Variants in NRG1 observed in about 807,000 individuals in gnomAD.
NRG1 encodes pro-neuregulin-1, membrane-bound isoform.
A neutral mutation model predicts 63.8 loss-of-function variants in NRG1; 18 were observed. That is an observed-to-expected ratio of 0.28 (90% CI 0.19 to 0.42). The LOEUF (loss-of-function observed/expected upper bound fraction) is 0.42. Ranked by LOEUF, NRG1 falls within the 10% of genes least tolerant of loss-of-function variation. The pLI, the probability that NRG1 is intolerant of heterozygous loss-of-function variation, is 1.00. For missense variants in NRG1, 762 were observed against 814.7 expected (o/e 0.94, Z 0.79); for synonymous variants, 302 against 301.3 (o/e 1.00, Z -0.02).
At chr8:31,886,483 A>G (rs963960851) in intron 1 of NRG1, among the ~76,000 whole-genome samples, 2 of 152,152 alleles carry the variant, frequency 1.3e-5, no homozygotes, top group Admixed American at 1.3e-4. Flanking sequence ...AAAACAGTAT[A>G]AAGAAGAGCA....
chr8:32,026,663 T>G (rs552163202), intron 1 of NRG1, among the ~76,000 whole-genome samples: 2 of 152,204 alleles, frequency 1.3e-5, no homozygotes, highest in African/African-American at 2.4e-5. Context: ...CCTTAACACA[T>G]AATAGCTTAA....
intron 1 of NRG1, among the ~76,000 whole-genome samples, chr8:31,765,552 T>G (rs1454607187): frequency 6.6e-6 from 1 of 152,210 alleles, no homozygotes; most frequent in Non-Finnish European, 1.5e-5. Context: ...TATTGAATTT[T>G]GGCAAATACT....
intron 1 of NRG1, among the ~76,000 whole-genome samples, chr8:32,263,965 G>C (rs1270419019): frequency 6.6e-5 from 10 of 152,144 alleles, no homozygotes; most frequent in Non-Finnish European, 1.5e-4. Flanking sequence ...GGAGACCCTA[G>C]GGATCTTTTA....
downstream of NRG1, among the ~76,000 whole-genome samples, chr8:32,769,042 C>T (rs1292148776): frequency 6.6e-6 from 1 of 152,154 alleles, no homozygotes; most frequent in African/African-American, 2.4e-5. Context: ...TTTTCATGCA[C>T]ATACAAACAC....
At chr8:32,197,503 G>A (rs1843079576) in intron 1 of NRG1, among the ~76,000 whole-genome samples, 1 of 152,168 alleles carries the variant, frequency 6.6e-6, no homozygotes, top group Non-Finnish European at 1.5e-5. Context: ...TAGGTTGCCT[G>A]ACCTTTTGCC....
At chr8:32,415,961 G>A (rs1308667373) in intron 1 of NRG1, among the ~76,000 whole-genome samples, 1 of 152,162 alleles carries the variant, frequency 6.6e-6, no homozygotes, top group Non-Finnish European at 1.5e-5. Context: ...AGACCACACT[G>A]CAGCCTTTAG....
chr8:31,830,323 TTCC>T (rs2129605531), intron 1 of NRG1, among the ~76,000 whole-genome samples: 1 of 83,500 alleles, frequency 1.2e-5, no homozygotes, highest in African/African-American at 5.0e-5. Context: ...CCTTCCTTCC[TTCC>T]TTCCTTCCTT....
intron 1 of NRG1, chr8:31,639,647 C>T (rs764614592): frequency 7.1e-7 from 1 of 1,398,696 alleles, no homozygotes; most frequent in Non-Finnish European, 9.2e-7. Flanking sequence ...ACAGCAGCCC[C>T]GACAGCAGGG....
chr8:32,260,603 T>A (rs1850254900), intron 1 of NRG1, among the ~76,000 whole-genome samples: 1 of 152,230 alleles, frequency 6.6e-6, no homozygotes, highest in Non-Finnish European at 1.5e-5. Flanking sequence ...CCTACTTTAT[T>A]TATTTCCTTT....
At chr8:32,412,337 T>C (rs1344353867) in intron 1 of NRG1, among the ~76,000 whole-genome samples, 1 of 150,924 alleles carries the variant, frequency 6.6e-6, no homozygotes, top group Non-Finnish European at 1.5e-5. Flanking sequence ...CTGCAGATCT[T>C]ATGACTTTCC....
intron 5 of NRG1, among the ~76,000 whole-genome samples, chr8:32,659,801 T>G (rs1001061410): frequency 9.9e-5 from 15 of 152,134 alleles, no homozygotes; most frequent in African/African-American, 3.6e-4. Context: ...TTCTCTTCCA[T>G]GTTTTTGCTC....
At chr8:31,796,933 A>G (rs2131695139) in intron 1 of NRG1, among the ~76,000 whole-genome samples, 1 of 152,266 alleles carries the variant, frequency 6.6e-6, no homozygotes, top group South Asian at 2.1e-4. Flanking sequence ...TAGTGTTTGC[A>G]AGATCAGTGA....
At chr8:32,005,057 T>C (rs1421801702) in intron 1 of NRG1, among the ~76,000 whole-genome samples, 1 of 132,674 alleles carries the variant, frequency 7.5e-6, no homozygotes, top group African/African-American at 2.8e-5. Flanking sequence ...AGAAAACATA[T>C]AGAGAAGGAA....
intron 1 of NRG1, among the ~76,000 whole-genome samples, chr8:32,016,465 G>A (rs1055807447): frequency 6.6e-6 from 1 of 151,978 alleles, no homozygotes; most frequent in Non-Finnish European, 1.5e-5. Context: ...AAGATAATCA[G>A]AAAATAATTA....
chr8:31,983,541 G>A (rs327365), intron 1 of NRG1, among the ~76,000 whole-genome samples: 3,266 of 152,000 alleles, frequency 0.021, 107 homozygotes, highest in African/African-American at 0.075. Context: ...CACCAAACCT[G>A]TCTATTTTTT....
intron 1 of NRG1, among the ~76,000 whole-genome samples, chr8:31,651,324 C>T (rs1264154564): frequency 6.6e-6 from 1 of 152,196 alleles, no homozygotes; most frequent in Non-Finnish European, 1.5e-5. Context: ...TATGATTAAT[C>T]CACAGCTGTA....
chr8:32,430,194 C>T (rs966013823), intron 1 of NRG1, among the ~76,000 whole-genome samples: 4 of 152,172 alleles, frequency 2.6e-5, no homozygotes, highest in Non-Finnish European at 4.4e-5. Context: ...AGGCCAAATT[C>T]CCATTCCACA....
chr8:32,221,985 T>G (rs1481452500), intron 1 of NRG1, among the ~76,000 whole-genome samples: 2 of 151,886 alleles, frequency 1.3e-5, no homozygotes, highest in Non-Finnish European at 1.5e-5. Flanking sequence ...CATCATTCAC[T>G]AAGCATTCCT....
At chr8:32,703,549 G>C (rs1815538174) in intron 5 of NRG1, among the ~76,000 whole-genome samples, 1 of 150,578 alleles carries the variant, frequency 6.6e-6, no homozygotes, top group Non-Finnish European at 1.5e-5. Flanking sequence ...AAAAAGAAAA[G>C]AAAAGAAAAG....
Sources: gnomAD v4.1 joint callset for allele counts (sites outside exome capture counted in the v4.1 genomes callset) on GRCh38, gnomAD v4.1.1 for gene constraint, MANE v1.5 for transcripts, NCBI Gene and HGNC (gene_info 2026-07-23, HGNC 2026-07-21) for gene names.